NELL2: variants seen among roughly 807,000 people sequenced by gnomAD.
NELL2 encodes protein kinase C-binding protein NELL2.
In NELL2, 41 loss-of-function variants were observed where a neutral mutation model predicts 109.6. The ratio of observed to expected loss-of-function variants is 0.37; its 90% CI spans 0.29 to 0.49. The LOEUF is 0.49. Among genes scored for constraint, NELL2 ranks in the 20% least tolerant of loss-of-function variants. The pLI is 0.98. For missense variants in NELL2, 900 were observed against 1,008.3 expected (o/e 0.89, Z 1.45); for synonymous variants, 355 against 344.7 (o/e 1.03, Z -0.33).
At chr12:44,747,877 A>T (rs1275849077) in intron 9 of NELL2, among the ~76,000 whole-genome samples, 2 of 152,192 alleles carry the variant, frequency 1.3e-5, no homozygotes, top group African/African-American at 4.8e-5. Flanking sequence ...ATAGCAGAGG[A>T]AACCTGCATG....
intron 15 of NELL2, among the ~76,000 whole-genome samples, chr12:44,600,728 A>ACTACT (rs1271856942): frequency 6.6e-6 from 1 of 152,202 alleles, no homozygotes; most frequent in Non-Finnish European, 1.5e-5. Context: ...TCCTATTTGA[A>ACTACT]CTACTCTGTC....
Position 44,748,964 on chromosome 12 carries a change from T to C in NELL2, c.994+25783A>G, listed in dbSNP as rs143769519. Among the ~76,000 whole-genome samples the C allele has an allele frequency of 3.3e-4, 50 of 152,242 alleles. 1 individual carries two copies. The East Asian group carries it at 9.3e-3, about 28-fold the overall frequency. On this transcript the variant is annotated intron_variant, in intron 9 of 19. Coordinates refer to ENST00000429094, the MANE Select transcript of NELL2 (RefSeq NM_001145108.2). The stretch of plus-strand genomic sequence containing the variant: ...ATACTCATAAATAATTTACAGACTA[T>C]AAAAGGCAAAATGACTCTGATACAG...
chr12:44,694,661 T>A (rs1949004492), intron 12 of NELL2, among the ~76,000 whole-genome samples: 1 of 151,844 alleles, frequency 6.6e-6, no homozygotes, highest in African/African-American at 2.4e-5. Context: ...GAGTGCATCA[T>A]TAATGACAGT....
At chr12:44,828,107 ACTT>A (rs1341911236) in intron 2 of NELL2, among the ~76,000 whole-genome samples, 4 of 152,062 alleles carry the variant, frequency 2.6e-5, no homozygotes, top group African/African-American at 9.7e-5. Context: ...CATTTGTATG[ACTT>A]CTTCTGAGAA....
intron 3 of NELL2, among the ~76,000 whole-genome samples, chr12:44,786,003 G>C (rs955085753): frequency 2.1e-5 from 3 of 142,500 alleles, no homozygotes; most frequent in Non-Finnish European, 3.1e-5. Context: ...CAAAAGCAAT[G>C]GCAACAAAAG....
intron 15 of NELL2, among the ~76,000 whole-genome samples, chr12:44,596,276 C>T (rs1018424396): frequency 1.3e-5 from 2 of 152,192 alleles, no homozygotes; most frequent in African/African-American, 4.8e-5. Context: ...AAGTTTACTG[C>T]TATTTCAGTC....
chr12:44,588,850 A>G (rs1592165520), intron 15 of NELL2, among the ~76,000 whole-genome samples: 1 of 152,226 alleles, frequency 6.6e-6, no homozygotes, highest in Non-Finnish European at 1.5e-5. Flanking sequence ...CCATTATGCA[A>G]TAATTCCCCA....
At chr12:44,619,788 G>T (rs945689864) in intron 13 of NELL2, among the ~76,000 whole-genome samples, 2 of 152,120 alleles carry the variant, frequency 1.3e-5, no homozygotes, top group African/African-American at 4.8e-5. Context: ...GGAATCATCG[G>T]GAAGTTTACA....
At chr12:44,534,116 C>CT (rs1045074977) in intron 15 of NELL2, among the ~76,000 whole-genome samples, 3 of 151,996 alleles carry the variant, frequency 2.0e-5, no homozygotes, top group Non-Finnish European at 4.4e-5. Context: ...CTCCAAATTC[C>CT]TGGAAGCATA....
chr12:44,511,002 T>C (rs1021978314), intron 19 of NELL2, among the ~76,000 whole-genome samples: 1 of 152,210 alleles, frequency 6.6e-6, no homozygotes, highest in Non-Finnish European at 1.5e-5. Context: ...AGCAGAAATA[T>C]AATTAGGGAA....
intron 15 of NELL2, among the ~76,000 whole-genome samples, chr12:44,547,183 C>T (rs952989873): frequency 3.3e-5 from 5 of 152,136 alleles, no homozygotes; most frequent in Admixed American, 2.0e-4. Flanking sequence ...AGGCTTGGTA[C>T]GAAGTCTGTC....
At chr12:44,908,401 A>T (rs1945743875) in intron 1 of NELL2, among the ~76,000 whole-genome samples, 1 of 151,954 alleles carries the variant, frequency 6.6e-6, no homozygotes, top group African/African-American at 2.4e-5. Context: ...AGTAAAGTGT[A>T]TTCAAGAATA....
At chr12:44,914,921 C>T (rs761501414), upstream of NELL2, among the ~76,000 whole-genome samples, 10 of 151,692 alleles carry the variant, frequency 6.6e-5, no homozygotes, top group Non-Finnish European at 1.2e-4. Flanking sequence ...GTGATCTCGG[C>T]TCACTGTAAG....
At chr12:44,597,143 C>G (rs1022892270) in intron 15 of NELL2, among the ~76,000 whole-genome samples, 2 of 152,100 alleles carry the variant, frequency 1.3e-5, no homozygotes, top group Admixed American at 6.6e-5. Context: ...TCCAAACCTG[C>G]CTCCTGGTAA....
At chr12:44,824,636 C>A (rs1943647488) in intron 2 of NELL2, among the ~76,000 whole-genome samples, 1 of 148,366 alleles carries the variant, frequency 6.7e-6, no homozygotes. Context: ...CAGTACCATG[C>A]TGTTTTCTAC....
chr12:44,835,315 T>G (rs1379611110), intron 2 of NELL2, among the ~76,000 whole-genome samples: 1 of 152,186 alleles, frequency 6.6e-6, no homozygotes, highest in Non-Finnish European at 1.5e-5. Flanking sequence ...ATTCAGTGGC[T>G]TCTGGGGGGA....
chr12:44,814,087 A>G (rs914925012), intron 3 of NELL2, among the ~76,000 whole-genome samples: 3 of 152,218 alleles, frequency 2.0e-5, no homozygotes, highest in African/African-American at 7.2e-5. Context: ...AACACTGACC[A>G]TCTAGGACTC....
intron 15 of NELL2, among the ~76,000 whole-genome samples, chr12:44,553,286 GA>G (rs59332982): frequency 0.012 from 1,718 of 145,836 alleles, 29 homozygotes; most frequent in African/African-American, 0.038. Context: ...AATAAAAAAA[GA>G]AAAAAAAAAA....
intron 3 of NELL2, among the ~76,000 whole-genome samples, chr12:44,806,600 C>A (rs185874068): frequency 6.6e-5 from 10 of 151,840 alleles, no homozygotes; most frequent in African/African-American, 2.4e-4. Flanking sequence ...AATAGCCATA[C>A]TGGTTGATTA....
Sources: gnomAD v4.1 joint callset for allele counts (sites outside exome capture counted in the v4.1 genomes callset) on GRCh38, gnomAD v4.1.1 for gene constraint, MANE v1.5 for transcripts, NCBI Gene and HGNC (gene_info 2026-07-23, HGNC 2026-07-21) for gene names.